Variants in PRKG1 observed in about 807,000 individuals in gnomAD.
The protein encoded by PRKG1 is protein kinase cGMP-dependent 1.
PRKG1 carries 35 observed loss-of-function variants against 88.1 expected under a neutral mutation model. The observed-to-expected ratio is 0.40, with a 90% CI of 0.30 to 0.53. PRKG1 has a LOEUF of 0.53. Ranked by LOEUF, PRKG1 falls within the 20% of genes least tolerant of loss-of-function variation. The pLI is 0.59. For synonymous variants in PRKG1, 303 were observed against 292.5 expected (o/e 1.04, Z -0.37); for missense variants, 540 against 839.8 (o/e 0.64, Z 4.41).
intron 1 of PRKG1, among the ~76,000 whole-genome samples, chr10:51,133,872 G>C (rs761562743): frequency 6.6e-5 from 10 of 152,094 alleles, no homozygotes; most frequent in Admixed American, 2.6e-4. Flanking sequence ...AATGGGAGAG[G>C]TGCCAGTACA....
rs145189255 is a variant in PRKG1 at position 51,345,474 on chromosome 10, C to T, written c.479-122249C>T. Among the ~76,000 whole-genome samples the T allele has an allele frequency of 9.9e-5, 15 of 151,946 alleles. No individual in the cohort carries two copies. In the East Asian group the frequency reaches 1.7e-3, roughly 18 times the overall value. On this transcript the variant is annotated intron_variant, in intron 2 of 17. Coordinates refer to ENST00000373980, the MANE Select transcript of PRKG1 (RefSeq NM_006258.4). ...GACATAATCCCAGACTAGAGCAAAA[C>T]CATGGGATGTATAGTTAGTTATGGG...
chr10:51,362,456 A>C (rs1842502279), intron 2 of PRKG1, among the ~76,000 whole-genome samples: 1 of 151,710 alleles, frequency 6.6e-6, no homozygotes, highest in Non-Finnish European at 1.5e-5. Context: ...TTTTTAGAAA[A>C]ACATAATGCC....
intron 4 of PRKG1, among the ~76,000 whole-genome samples, chr10:51,849,305 G>A (rs548004997): frequency 6.6e-6 from 1 of 152,116 alleles, no homozygotes; most frequent in Non-Finnish European, 1.5e-5. Flanking sequence ...AATCTGGGGG[G>A]TTACCTAACC....
In PRKG1 at chr10:52,160,144, C is replaced by A. The variant is rs191979346; in HGVS notation, c.1002-1745C>A. 9.8e-3 allele frequency among the ~76,000 whole-genome samples: 1,492 copies of A among 151,934 alleles called. 16 individuals carry two copies. Among genetic ancestry groups the A allele is most frequent in the Non-Finnish European group, 0.015 (994 of 67,862 alleles). The stretch of plus-strand genomic sequence containing the variant: ...TATTTATAATAAAAGAAATATTATA[C>A]TTTATGTTGTGAACGCGTCTAGCCT... On this transcript the variant is annotated intron_variant, in intron 8 of 17. Transcript: ENST00000373980.
chr10:51,651,123 C>T (rs1299560940), intron 3 of PRKG1, among the ~76,000 whole-genome samples: 1 of 152,144 alleles, frequency 6.6e-6, no homozygotes, highest in African/African-American at 2.4e-5. Context: ...AATCAAACAC[C>T]TCAGAATATC....
At chr10:51,725,650 G>A (rs1457932345) in intron 3 of PRKG1, among the ~76,000 whole-genome samples, 1 of 149,318 alleles carries the variant, frequency 6.7e-6, no homozygotes, top group Non-Finnish European at 1.5e-5. Context: ...TGTGGGGGTC[G>A]GGGACAGGGT....
rs192804231 is a variant in PRKG1, at chr10:52,248,840, T to C, written c.1077-2730T>C. 2.6e-5 allele frequency among the ~76,000 whole-genome samples: 4 copies of C among 152,272 alleles called. No individual in the cohort carries two copies. In the East Asian group the frequency reaches 7.7e-4, roughly 29 times the overall value. ...CATAAAGTAACTGCCTTATAACTTT[T>C]GCGCCCTGTATCTGCCTTTTGTTAG... On this transcript the variant is annotated intron_variant, in intron 9 of 17. Transcript: ENST00000373980.
chr10:52,134,187 T>G (rs995559556), intron 8 of PRKG1, among the ~76,000 whole-genome samples: 1 of 152,178 alleles, frequency 6.6e-6, no homozygotes, highest in African/African-American at 2.4e-5. Context: ...TGAGGATTAA[T>G]GAGAACATTT....
chr10:52,024,732 A>G (rs751828944), intron 5 of PRKG1, among the ~76,000 whole-genome samples: 34 of 152,160 alleles, frequency 2.2e-4, no homozygotes, highest in Non-Finnish European at 4.4e-4. Context: ...TCTATCATTG[A>G]TGGACATTTG....
intron 3 of PRKG1, among the ~76,000 whole-genome samples, chr10:51,735,056 T>A: frequency 6.6e-6 from 1 of 152,108 alleles, no homozygotes; most frequent in East Asian, 1.9e-4. Flanking sequence ...TAGGTAGGAA[T>A]TATAAAGACA....
intron 2 of PRKG1, among the ~76,000 whole-genome samples, chr10:51,411,632 G>A (rs775031258): frequency 1.4e-3 from 208 of 152,266 alleles, no homozygotes; most frequent in Admixed American, 1.2e-3. Context: ...TTTAGGTAAA[G>A]CTTAGCAGTT....
At chr10:51,221,755 G>T (rs1419643047) in intron 2 of PRKG1, among the ~76,000 whole-genome samples, 2 of 151,736 alleles carry the variant, frequency 1.3e-5, no homozygotes, top group African/African-American at 4.8e-5. Context: ...AACAATGAAA[G>T]GTAGTTATCT....
intron 10 of PRKG1, among the ~76,000 whole-genome samples, chr10:52,261,641 T>C (rs1841435844): frequency 6.6e-6 from 1 of 152,092 alleles, no homozygotes; most frequent in South Asian, 2.1e-4. Context: ...TATTCTTCTC[T>C]CTTGTGTATC....
At chr10:51,424,538 G>C (rs1424125567) in intron 2 of PRKG1, among the ~76,000 whole-genome samples, 2 of 152,040 alleles carry the variant, frequency 1.3e-5, no homozygotes. Flanking sequence ...GCTTTGGAGG[G>C]TAGCGTTGAT....
At position 51,382,054 on chromosome 10, in the gene PRKG1, A is replaced by G. The variant is rs1226821593; in HGVS notation, c.479-85669A>G. ...TTTTTCTCCCCCGAATGTTCTCTTC[A>G]GTTTTTTTTCATGCTTTTTGATGTC... On this transcript the variant is annotated intron_variant, in intron 2 of 17. Coordinates refer to ENST00000373980, the MANE Select transcript of PRKG1 (RefSeq NM_006258.4). Among the ~76,000 whole-genome samples the G allele has an allele frequency of 2.6e-5, 4 of 152,200 alleles. No homozygotes were observed. The East Asian group carries it at 7.7e-4, about 29-fold the overall frequency.
chr10:51,318,385 T>C (rs975514040), intron 2 of PRKG1, among the ~76,000 whole-genome samples: 3 of 152,200 alleles, frequency 2.0e-5, no homozygotes, highest in African/African-American at 4.8e-5. Context: ...AAATGGTACA[T>C]GTAAAACATT....
intron 2 of PRKG1, among the ~76,000 whole-genome samples, chr10:51,201,902 G>T (rs1837921854): frequency 6.6e-6 from 1 of 152,204 alleles, no homozygotes; most frequent in South Asian, 2.1e-4. Flanking sequence ...ACCCCAAACT[G>T]ACAGACAGCA....
rs190928780 is a variant in PRKG1 at position 51,424,453 on chromosome 10, G to A, written c.479-43270G>A. 1.5e-3 allele frequency among the ~76,000 whole-genome samples: 224 copies of A among 152,128 alleles called. 1 individual carries two copies. Among genetic ancestry groups the A allele is most frequent in the African/African-American group, 4.3e-3 (180 of 41,522 alleles). On this transcript the variant is annotated intron_variant, in intron 2 of 17. Transcript: ENST00000373980. The stretch of plus-strand genomic sequence containing the variant: ...TTAAAAAAGGAAAGGCAACTATGGC[G>A]TTATAATCTTAATAGGTACCTGTGT...
At chr10:52,128,581 TA>T in intron 7 of PRKG1, 1 of 985,000 alleles carries the variant, frequency 1.0e-6, no homozygotes, top group Non-Finnish European at 1.2e-6. Flanking sequence ...TATTTTGGGA[TA>T]TTTTTCATGC....
Sources: allele counts gnomAD v4.1 joint callset (sites outside exome capture counted in the v4.1 genomes callset), GRCh38; gene constraint gnomAD v4.1.1; transcripts MANE v1.5; gene names NCBI Gene and HGNC (gene_info 2026-07-23, HGNC 2026-07-21).